The following SKAP1 variants were observed in gnomAD, a reference collection of about 807,000 sequenced individuals.
SKAP1 encodes the protein src kinase associated phosphoprotein 1.
Under a neutral mutation model 58.5 loss-of-function variants are expected in SKAP1, and 44 were observed. The observed-to-expected ratio is 0.75, with a 90% CI of 0.59 to 0.97. The LOEUF is 0.97. Ranked by LOEUF, SKAP1 falls within the 50% of genes least tolerant of loss-of-function variation. The probability of loss-of-function intolerance (pLI) is 0.00; values close to 1 mark genes in which losing one functional copy is unlikely to be tolerated. For missense variants in SKAP1, 390 were observed against 435.2 expected, an observed-to-expected ratio of 0.90 and a Z score of 0.92; for synonymous variants, 127 against 149.7, an observed-to-expected ratio of 0.85 and a Z score of 1.11.
intron 1 of SKAP1, among the ~76,000 whole-genome samples, chr17:48,409,731 C>T (rs940325138): frequency 6.0e-5 from 9 of 149,592 alleles, no homozygotes; most frequent in African/African-American, 1.7e-4. Context: ...CAGGAGTGGG[C>T]GAGGGATAAA....
chr17:48,391,954 G>A (rs999432020), intron 2 of SKAP1, among the ~76,000 whole-genome samples: 3 of 151,980 alleles, frequency 2.0e-5, no homozygotes, highest in Non-Finnish European at 4.4e-5. Flanking sequence ...ATTTGAATGT[G>A]TTTTGTTTTG....
chr17:48,338,306 C>T (rs749026382), intron 4 of SKAP1, among the ~76,000 whole-genome samples: 7 of 151,886 alleles, frequency 4.6e-5, no homozygotes, highest in East Asian at 1.9e-4. Context: ...CCCGCCACCA[C>T]GCCAAGCTAA....
At chr17:48,328,602 G>GA (rs914148415) in intron 4 of SKAP1, among the ~76,000 whole-genome samples, 167 of 147,892 alleles carry the variant, frequency 1.1e-3, no homozygotes, top group African/African-American at 3.7e-3. Context: ...GGTGAATACT[G>GA]AAAAAAAAAA....
chr17:48,295,585 T>TGAG (rs2065957364), intron 4 of SKAP1: 2 of 152,008 alleles, frequency 1.3e-5, no homozygotes, highest in Non-Finnish European at 2.9e-5. Flanking sequence ...ATGTCTTCAG[T>TGAG]TTCCAAAGCC....
At chr17:48,434,795 A>G (rs990523072), upstream of SKAP1, among the ~76,000 whole-genome samples, 4 of 152,208 alleles carry the variant, frequency 2.6e-5, no homozygotes, top group Admixed American at 6.5e-5. Context: ...AGATAGTTAC[A>G]GCCTAGGGAT....
intron 4 of SKAP1, among the ~76,000 whole-genome samples, chr17:48,210,153 A>G (rs1285931688): frequency 6.6e-6 from 1 of 152,214 alleles, no homozygotes; most frequent in Non-Finnish European, 1.5e-5. Flanking sequence ...GATAACTGAC[A>G]GATGTCAGGT....
chr17:48,393,276 G>C (rs1216166735), intron 2 of SKAP1, among the ~76,000 whole-genome samples: 2 of 152,114 alleles, frequency 1.3e-5, no homozygotes, highest in Non-Finnish European at 2.9e-5. Context: ...GTGTTACATG[G>C]AAAATATTAG....
chr17:48,428,026 C>T (rs1012836427), intron 1 of SKAP1, among the ~76,000 whole-genome samples: 4 of 152,140 alleles, frequency 2.6e-5, no homozygotes, highest in Non-Finnish European at 4.4e-5. Flanking sequence ...TCTACACCAG[C>T]GACTGTGTTC....
rs1201291417 is a variant in SKAP1, at chr17:48,157,775, A to C, written c.978+4694T>G. 4.5e-4 allele frequency among the ~76,000 whole-genome samples: 67 copies of C among 148,076 alleles called. No individual in the cohort carries two copies. In the Middle Eastern group the frequency reaches 0.012, roughly 26 times the overall value. On this transcript the variant is annotated intron_variant, in intron 11 of 12. Coordinates refer to ENST00000336915, the MANE Select transcript of SKAP1 (RefSeq NM_003726.4). ...AACTCCTGACCTCGGGTGATCTGCCAGCCTCGGCCTCCCAAAGTGTTGGGA... is the reference window on the plus strand; with the variant it reads ...AACTCCTGACCTCGGGTGATCTGCCCGCCTCGGCCTCCCAAAGTGTTGGGA...
rs550450123 is a variant in SKAP1 at position 48,325,751 on chromosome 17, T to C, written c.280+20154A>G. 2.6e-5 allele frequency among the ~76,000 whole-genome samples: 4 copies of C among 152,312 alleles called. No individual in the cohort carries two copies. In the South Asian group the frequency reaches 8.3e-4, roughly 32 times the overall value. ...AATGTGCTGTACAAGAATCCATAGG[T>C]GTTAAATAAAAATAGGAAGTGTCCG... On this transcript the variant is annotated intron_variant, in intron 4 of 12. Transcript: ENST00000336915.
At chr17:48,324,418 A>G (rs1422617792) in intron 4 of SKAP1, among the ~76,000 whole-genome samples, 5 of 152,112 alleles carry the variant, frequency 3.3e-5, no homozygotes, top group African/African-American at 4.8e-5. Flanking sequence ...AGCTTTCTGA[A>G]AAGTAACTTT....
At chr17:48,193,378 T>C (rs2143554295) in intron 4 of SKAP1, among the ~76,000 whole-genome samples, 1 of 152,292 alleles carries the variant, frequency 6.6e-6, no homozygotes. Flanking sequence ...AGAATCTGTA[T>C]TGAGGAATTC....
chr17:48,172,141 T>C (rs886788864), intron 9 of SKAP1, among the ~76,000 whole-genome samples: 20 of 152,296 alleles, frequency 1.3e-4, no homozygotes, highest in Admixed American at 5.9e-4. Context: ...TCAGCTGTAA[T>C]GGAGGCTGGT....
intron 4 of SKAP1, among the ~76,000 whole-genome samples, chr17:48,243,985 G>GAGATGTTAAA (rs1176365773): frequency 6.6e-6 from 1 of 152,122 alleles, no homozygotes; most frequent in African/African-American, 2.4e-5. Context: ...AGAAAAAGAA[G>GAGATGTTAAA]AGATGTTAAA....
At chr17:48,321,470 C>T (rs376106544) in intron 4 of SKAP1, among the ~76,000 whole-genome samples, 71 of 151,482 alleles carry the variant, frequency 4.7e-4, no homozygotes, top group African/African-American at 1.6e-3. Flanking sequence ...CTCCGTCTTC[C>T]GGGTTCACAC....
intron 3 of SKAP1, among the ~76,000 whole-genome samples, chr17:48,355,875 A>T (rs919803821): frequency 2.0e-5 from 3 of 151,784 alleles, no homozygotes; most frequent in Non-Finnish European, 2.9e-5. Context: ...CAACACACCT[A>T]TATATACCAA....
intron 4 of SKAP1, among the ~76,000 whole-genome samples, chr17:48,251,688 T>G (rs1287274321): frequency 6.6e-6 from 1 of 152,192 alleles, no homozygotes; most frequent in Non-Finnish European, 1.5e-5. Context: ...TAAAATTGAT[T>G]AAAACATGAA....
intron 2 of SKAP1, among the ~76,000 whole-genome samples, chr17:48,365,475 A>T (rs2066990083): frequency 6.6e-6 from 1 of 152,098 alleles, no homozygotes; most frequent in Non-Finnish European, 1.5e-5. Context: ...TCTTCCTCTC[A>T]GTTTGGCCCT....
At chr17:48,153,058 CAGAG>C (rs1175153308) in intron 11 of SKAP1, among the ~76,000 whole-genome samples, 1 of 151,654 alleles carries the variant, frequency 6.6e-6, no homozygotes. Context: ...CATACATACA[CAGAG>C]AGAGAGAAAA....
Sources: allele counts gnomAD v4.1 joint callset (sites outside exome capture counted in the v4.1 genomes callset), GRCh38; gene constraint gnomAD v4.1.1; transcripts MANE v1.5; gene names NCBI Gene and HGNC (gene_info 2026-07-23, HGNC 2026-07-21).